The following GRIK4 variants were observed in gnomAD, a reference collection of about 807,000 sequenced individuals.
The protein encoded by GRIK4 is glutamate ionotropic receptor kainate type subunit 4.
Under a neutral mutation model 104.9 loss-of-function variants are expected in GRIK4, and 40 were observed. The ratio of observed to expected loss-of-function variants is 0.38; its 90% CI spans 0.30 to 0.50. The LOEUF (loss-of-function observed/expected upper bound fraction) is 0.50, where lower values mean the gene tolerates loss of function less well. GRIK4 is among the 20% of genes least tolerant of loss of function. The pLI is 0.93. For synonymous variants in GRIK4, 485 were observed against 524.9 expected, an observed-to-expected ratio of 0.92 and a Z score of 1.04; for missense variants, 1,047 against 1,308.1, an observed-to-expected ratio of 0.80 and a Z score of 3.08.
chr11:120,841,628 G>A (rs185338461), intron 8 of GRIK4, among the ~76,000 whole-genome samples: 9 of 152,272 alleles, frequency 5.9e-5, no homozygotes, highest in African/African-American at 2.2e-4. Flanking sequence ...TTGTGTATAT[G>A]CCTAAGAGTG....
chr11:120,664,567 A>G (rs1199840142), intron 3 of GRIK4, among the ~76,000 whole-genome samples: 5 of 152,242 alleles, frequency 3.3e-5, no homozygotes, highest in African/African-American at 1.2e-4. Context: ...ACCTAAGGTC[A>G]CACAGCTAGT....
chr11:120,594,524 G>A (rs906773577), intron 1 of GRIK4, among the ~76,000 whole-genome samples: 1 of 152,100 alleles, frequency 6.6e-6, no homozygotes, highest in South Asian at 2.1e-4. Context: ...TCTTTGCCAT[G>A]CCTTATAAGG....
At position 120,514,832 on chromosome 11, in the gene GRIK4, T is replaced by C. The variant is rs573331610; in HGVS notation, c.-159+2945T>C. On this transcript the variant is annotated intron_variant, in intron 1 of 20. Coordinates refer to ENST00000527524, the MANE Select transcript of GRIK4 (RefSeq NM_014619.5). ...CAGCCCACTCAGTTCTTCTGGGCAC[T>C]TCGAGTGTCCACTCCGACCTTTGCT... 2.6e-4 allele frequency among the ~76,000 whole-genome samples: 39 copies of C among 152,306 alleles called. No individual in the cohort carries two copies. In the South Asian group the frequency reaches 7.9e-3, roughly 31 times the overall value.
rs144440903 is a variant in GRIK4 at position 120,874,133 on chromosome 11, G to A, written c.974G>A (p.Ser325Asn). 6.2e-7 allele frequency: 1 copy of A among 1,614,068 alleles called. No individual in the cohort carries two copies. Among genetic ancestry groups the A allele is most frequent in the South Asian group, 1.1e-5 (1 of 91,084 alleles). ...ACTGCGGTGCAGGAACTGAACCGGA[G>A]CCAAGAGATCGGCGTGAAGCCCTTG... The part of the protein sequence containing the change: ...VVTAVQELNR[S>N]QEIGVKPLSC... Residue 325 changes from serine (S) to asparagine (N), a missense_variant, in exon 10 of 21, where the codon AGC (serine) becomes AAC (asparagine). By Grantham distance (46) the Ser-to-Asn change is conservative (BLOSUM62 1). This residue lies in a region of GRIK4 where 447 missense variants were observed against 514.9 expected (regional missense o/e 0.87). Coordinates refer to ENST00000527524, the MANE Select transcript of GRIK4 (RefSeq NM_014619.5).
chr11:120,528,908 C>T (rs1211883689), intron 1 of GRIK4, among the ~76,000 whole-genome samples: 1 of 152,164 alleles, frequency 6.6e-6, no homozygotes, highest in African/African-American at 2.4e-5. Context: ...TGGGTGGGGG[C>T]ACAGCCAAAC....
chr11:120,908,414 T>C (rs1942916241), intron 13 of GRIK4, among the ~76,000 whole-genome samples: 1 of 146,000 alleles, frequency 6.8e-6, no homozygotes, highest in Non-Finnish European at 1.5e-5. Context: ...TTGGTAAAGA[T>C]TTAAAATAAC....
intron 11 of GRIK4, among the ~76,000 whole-genome samples, chr11:120,881,673 C>T (rs1432189311): frequency 6.6e-6 from 1 of 152,212 alleles, no homozygotes; most frequent in Non-Finnish European, 1.5e-5. Context: ...CCTTGAAATT[C>T]CTGCAGGTCC....
chr11:120,681,992 T>C (rs779634066), intron 3 of GRIK4, among the ~76,000 whole-genome samples: 8 of 152,226 alleles, frequency 5.3e-5, no homozygotes, highest in Non-Finnish European at 1.0e-4. Context: ...TCCTTCATTG[T>C]GTTAATATCA....
At chr11:120,776,955 A>C (rs895536577) in intron 3 of GRIK4, among the ~76,000 whole-genome samples, 1 of 152,138 alleles carries the variant, frequency 6.6e-6, no homozygotes, top group Admixed American at 6.5e-5. Context: ...TGTTGGGCAA[A>C]TCAACCCCCA....
chr11:120,533,423 G>A (rs1418159330), intron 1 of GRIK4, among the ~76,000 whole-genome samples: 1 of 152,186 alleles, frequency 6.6e-6, no homozygotes, highest in African/African-American at 2.4e-5. Context: ...TAATAGCTGA[G>A]CCTAGAGATA....
chr11:120,961,344 T>C (rs1944283536), intron 17 of GRIK4, among the ~76,000 whole-genome samples: 1 of 152,200 alleles, frequency 6.6e-6, no homozygotes, highest in East Asian at 1.9e-4. Context: ...GTTTTTTAGT[T>C]GCCATAGTTT....
At chr11:120,786,792 CCT>C (rs1952287621) in intron 3 of GRIK4, among the ~76,000 whole-genome samples, 1 of 152,310 alleles carries the variant, frequency 6.6e-6, no homozygotes, top group South Asian at 2.1e-4. Context: ...TCCAGCTCAG[CCT>C]CTCTCAACAC....
rs907696441 is a variant in GRIK4, at chr11:120,956,622, A to AT, written c.1701-148dup. Among the ~76,000 whole-genome samples the AT allele has an allele frequency of 5.9e-4, 88 of 148,816 alleles. No homozygotes were observed. The highest frequency in any genetic ancestry group is 1.5e-3 in the African/African-American group (61 of 40,600). Reference sequence around the variant, plus strand: ...CAGTTCAACCCACTTATTTTATTTTATTTTTTTTTTGGTTGCGAAACTCCA... The same window carrying AT: ...CAGTTCAACCCACTTATTTTATTTTATTTTTTTTTTTGGTTGCGAAACTCCA... On this transcript the variant is annotated intron_variant, in intron 15 of 20. Transcript: ENST00000527524. This position sits in a 1 kb window ranked among gnomAD's most constrained non-coding sequence, Gnocchi z 4.6.
chr11:120,873,959 T>G, intron 9 of GRIK4, 107 bp from the exon 10 acceptor site: 1 of 1,025,678 alleles, frequency 9.7e-7, no homozygotes, highest in Non-Finnish European at 1.4e-6. Flanking sequence ...TTCCCTTTCT[T>G]TTGCTTTCTC....
intron 1 of GRIK4, among the ~76,000 whole-genome samples, chr11:120,584,514 CAGAG>C (rs1217065268): frequency 6.6e-6 from 1 of 152,054 alleles, no homozygotes; most frequent in South Asian, 2.1e-4. Flanking sequence ...GAGACAGAGA[CAGAG>C]AGAGAGGTAA....
intron 3 of GRIK4, among the ~76,000 whole-genome samples, chr11:120,767,267 G>A (rs564683540): frequency 4.3e-4 from 66 of 152,222 alleles, no homozygotes; most frequent in Middle Eastern, 3.4e-3. Context: ...AAGTGAAATC[G>A]TGGTTTTAAT....
intron 1 of GRIK4, among the ~76,000 whole-genome samples, chr11:120,558,383 T>G (rs944663263): frequency 6.6e-6 from 1 of 152,126 alleles, no homozygotes; most frequent in Non-Finnish European, 1.5e-5. Flanking sequence ...GTCAGGAGAT[T>G]GAGACCATCC....
At chr11:120,858,447 T>C (rs1165558298) in intron 8 of GRIK4, 1 of 152,284 alleles carries the variant, frequency 6.6e-6, no homozygotes, top group South Asian at 2.1e-4. Flanking sequence ...CAGGCACTCA[T>C]GGATTTTGGA....
rs142364105 is a variant in GRIK4, at chr11:120,793,265, T to C, written c.83-9428T>C. On this transcript the variant is annotated intron_variant, in intron 3 of 20. Coordinates refer to ENST00000527524, the MANE Select transcript of GRIK4 (RefSeq NM_014619.5). ...GGTGAAGTCAGCAAATGTTGAGTAG[T>C]CATTTGAGAAGCCTGGCTTGCATTG... Among the ~76,000 whole-genome samples the C allele has an allele frequency of 1.9e-4, 29 of 151,880 alleles. No individual in the cohort carries two copies. The East Asian group carries it at 5.6e-3, about 29-fold the overall frequency.
Sources: allele counts gnomAD v4.1 joint callset (sites outside exome capture counted in the v4.1 genomes callset), GRCh38; gene constraint gnomAD v4.1.1; regional missense constraint gnomAD v4.1.1; non-coding constraint Gnocchi (gnomAD v3.1); transcripts MANE v1.5; gene names NCBI Gene and HGNC (gene_info 2026-07-23, HGNC 2026-07-21).